The following FGF13 variants were observed in gnomAD, a reference collection of about 807,000 sequenced individuals.
The protein encoded by FGF13 is fibroblast growth factor 13, also known as fibroblast growth factor homologous factor 2.
FGF13 carries 2 observed loss-of-function variants against 19.5 expected under a neutral mutation model. That is an observed-to-expected ratio of 0.10 (90% CI 0.04 to 0.32). The LOEUF is 0.32. FGF13 is among the 10% of genes least tolerant of loss of function. FGF13 has a pLI of 1.00. For synonymous variants in FGF13, 72 were observed against 76.9 expected, an observed-to-expected ratio of 0.94 and a Z score of 0.33; for missense variants, 113 against 192.7, an observed-to-expected ratio of 0.59 and a Z score of 2.45.
At chrX:138,787,945 C>A (rs1480130346) in intron 3 of FGF13, among the ~76,000 whole-genome samples, 1 of 111,822 alleles carries the variant, frequency 8.9e-6, no homozygotes, top group Admixed American at 9.5e-5. Flanking sequence ...TGAAAACATT[C>A]AGTTCATTGC....
At chrX:139,089,284 A>G (rs2083425049) in intron 1 of FGF13, among the ~76,000 whole-genome samples, 1 of 112,192 alleles carries the variant, frequency 8.9e-6, no homozygotes, top group Non-Finnish European at 1.9e-5. Context: ...ATTTATTTCA[A>G]AAGGTAAATC....
At chrX:138,844,084 C>A (rs1192036475) in intron 3 of FGF13, among the ~76,000 whole-genome samples, 2 of 112,197 alleles carry the variant, frequency 1.8e-5, no homozygotes, top group African/African-American at 3.2e-5. Context: ...GACAAGGAAT[C>A]AATTTCTAGC....
chrX:138,678,333 A>C (rs1398463515), intron 3 of FGF13, among the ~76,000 whole-genome samples: 1 of 111,658 alleles, frequency 9.0e-6, no homozygotes, highest in African/African-American at 3.3e-5. Context: ...TAACCTGCAC[A>C]TTGTGCACAT....
At chrX:138,745,271 A>G (rs1264812776) in intron 3 of FGF13, among the ~76,000 whole-genome samples, 1 of 112,085 alleles carries the variant, frequency 8.9e-6, no homozygotes, top group African/African-American at 3.2e-5. Context: ...TATTAGTAGG[A>G]AGCCTTGTCC....
intron 1 of FGF13, among the ~76,000 whole-genome samples, chrX:139,193,007 G>C (rs886267563): frequency 7.0e-4 from 78 of 111,414 alleles, no homozygotes; most frequent in African/African-American, 2.5e-3. Context: ...GCACATAGAA[G>C]GTTCAATACA....
intron 1 of FGF13, among the ~76,000 whole-genome samples, chrX:138,949,290 A>G (rs2091798075): frequency 8.9e-6 from 1 of 111,873 alleles, no homozygotes; most frequent in Admixed American, 9.5e-5. Flanking sequence ...GACATTTAAA[A>G]TCAAGCTGTT....
intron 1 of FGF13, among the ~76,000 whole-genome samples, chrX:139,142,803 T>G (rs768808698): frequency 8.9e-6 from 1 of 112,142 alleles, no homozygotes; most frequent in African/African-American, 3.2e-5. Context: ...GTGGTGGTTG[T>G]CATCATCCAC....
chrX:138,768,726 T>TATATATATATATATATATATA (rs1226957604), intron 3 of FGF13, among the ~76,000 whole-genome samples: 3 of 97,890 alleles, frequency 3.1e-5, no homozygotes, highest in African/African-American at 1.2e-4. Context: ...TAAGTATATA[T>TATATATATATATATATATATA]TATATATATA....
intron 1 of FGF13, among the ~76,000 whole-genome samples, chrX:139,192,478 TTTTTG>T (rs2084339290): frequency 9.1e-6 from 1 of 110,421 alleles, no homozygotes; most frequent in Non-Finnish European, 1.9e-5. Context: ...AGCGGGAGGG[TTTTTG>T]TTTTGTTTTG....
rs149087579 is a variant in FGF13 at position 139,075,369 on chromosome X, G to C, written c.-113+128047C>G. Among the ~76,000 whole-genome samples, 814 of 112,011 alleles carry C rather than the reference G, an allele frequency of 7.3e-3. 5 individuals are homozygous for C. The highest frequency in any genetic ancestry group is 0.025 in the African/African-American group (782 of 30,814). ...CTCAGTTTCATCTAAACACACATTG[G>C]CAACTGATCTTTGTCCAGGGAGAGC... On this transcript the variant is annotated intron_variant, in intron 1 of 2. Transcript: ENST00000421460.
chrX:139,108,619 T>C (rs1385416049), intron 1 of FGF13, among the ~76,000 whole-genome samples: 1 of 111,608 alleles, frequency 9.0e-6, no homozygotes, highest in South Asian at 3.8e-4. Context: ...TAGTGTGTAT[T>C]CGAAGTTCTC....
At chrX:139,110,393 G>A (rs2083592620) in intron 1 of FGF13, among the ~76,000 whole-genome samples, 1 of 110,336 alleles carries the variant, frequency 9.1e-6, no homozygotes, top group African/African-American at 3.3e-5. Flanking sequence ...CCCGGTGGAA[G>A]ATAATTGAAT....
rs2088975916 is a variant in FGF13, at chrX:138,617,100, A to G, written c.*15750T>C. The G allele has an allele frequency of 8.9e-6, 1 of 111,841 alleles. No homozygotes were observed. The highest frequency in any genetic ancestry group is 3.3e-5 in the African/African-American group (1 of 30,739). The allele number at this position is 111,841 out of a possible 1,213,427, so 9.2% of individuals were successfully genotyped here. A position where few individuals can be genotyped will look rare whatever the true frequency, so the allele number is the denominator to read the frequency against. On this transcript the variant is annotated 3_prime_UTR_variant, in exon 5 of 5. Coordinates refer to ENST00000315930, the MANE Select transcript of FGF13 (RefSeq NM_004114.5). ...CATTGTTTTGGTGATTAATATTTGTAGTGATAGGAATATTCTATATCTTGA... is the reference window on the plus strand; with the variant it reads ...CATTGTTTTGGTGATTAATATTTGTGGTGATAGGAATATTCTATATCTTGA...
intron 1 of FGF13, among the ~76,000 whole-genome samples, chrX:138,958,587 G>A (rs1292663010): frequency 8.9e-6 from 1 of 111,982 alleles, no homozygotes; most frequent in Non-Finnish European, 1.9e-5. Context: ...AATAGTTTCA[G>A]AAGGAATGGT....
At chrX:139,092,258 C>T (rs2083444036) in intron 1 of FGF13, among the ~76,000 whole-genome samples, 1 of 112,269 alleles carries the variant, frequency 8.9e-6, no homozygotes, top group Admixed American at 9.4e-5. Context: ...TACTTTTGCT[C>T]CCTAAAAGGA....
intron 3 of FGF13, among the ~76,000 whole-genome samples, chrX:138,765,650 GT>G (rs752415879): frequency 1.8e-5 from 2 of 112,171 alleles, no homozygotes; most frequent in South Asian, 7.5e-4. Context: ...TGTCTCAGCA[GT>G]CAGATGGCCT....
intron 1 of FGF13, among the ~76,000 whole-genome samples, chrX:138,947,226 T>C (rs1249660020): frequency 8.9e-6 from 1 of 111,896 alleles, no homozygotes; most frequent in Non-Finnish European, 1.9e-5. Context: ...ACGATGACTG[T>C]GAACATCTAG....
chrX:138,954,661 C>A (rs1351587758), intron 1 of FGF13, among the ~76,000 whole-genome samples: 1 of 111,467 alleles, frequency 9.0e-6, no homozygotes, highest in East Asian at 2.8e-4. Flanking sequence ...AGAATTCAAT[C>A]ATAAAATAGA....
chrX:138,833,591 G>A (rs1257272748), intron 3 of FGF13, among the ~76,000 whole-genome samples: 1 of 111,572 alleles, frequency 9.0e-6, no homozygotes, highest in Non-Finnish European at 1.9e-5. Flanking sequence ...AAAGGATCAT[G>A]TCATCTGCTA....
Sources: allele counts gnomAD v4.1 joint callset (sites outside exome capture counted in the v4.1 genomes callset), GRCh38; gene constraint gnomAD v4.1.1; transcripts MANE v1.5; gene names NCBI Gene and HGNC (gene_info 2026-07-23, HGNC 2026-07-21).